Variants in AFAP1 observed in about 807,000 individuals in gnomAD.
The protein encoded by AFAP1 is actin filament associated protein 1.
Under a neutral mutation model 93.9 loss-of-function variants are expected in AFAP1, and 75 were observed. The ratio of observed to expected loss-of-function variants is 0.80; its 90% confidence interval spans 0.66 to 0.97. AFAP1 has a LOEUF of 0.97. Ranked by LOEUF, AFAP1 falls within the 50% of genes least tolerant of loss-of-function variation. The pLI, the probability that AFAP1 is intolerant of heterozygous loss-of-function variation, is 0.00. For synonymous variants in AFAP1, 517 were observed against 430.7 expected, an observed-to-expected ratio of 1.20 and a Z score of -2.48; for missense variants, 1,201 against 1,050.8, an observed-to-expected ratio of 1.14 and a Z score of -1.98.
chr4:7,856,235 C>G (rs1463201010), intron 3 of AFAP1, among the ~76,000 whole-genome samples: 1 of 150,118 alleles, frequency 6.7e-6, no homozygotes, highest in Middle Eastern at 3.4e-3. Flanking sequence ...CTTATTAAAA[C>G]CAATCATGTC....
chr4:7,927,202 A>G (rs1485927335), intron 1 of AFAP1, among the ~76,000 whole-genome samples: 1 of 152,206 alleles, frequency 6.6e-6, no homozygotes, highest in Non-Finnish European at 1.5e-5. Context: ...TCACATACAC[A>G]GCTCTAGCAG....
At chr4:7,835,048 G>A (rs1288343328) in intron 6 of AFAP1, among the ~76,000 whole-genome samples, 1 of 105,756 alleles carries the variant, frequency 9.5e-6, no homozygotes, top group Non-Finnish European at 1.9e-5. Flanking sequence ...GCTGCCTTAA[G>A]GTTACCTGGG....
At chr4:7,882,212 AATTC>A (rs71175437) in intron 1 of AFAP1, among the ~76,000 whole-genome samples, 17,523 of 152,092 alleles carry the variant, frequency 0.12, 1,160 homozygotes, top group Non-Finnish European at 0.16. Flanking sequence ...TTAAATAGAT[AATTC>A]ATTTCATAAG....
chr4:7,822,498 C>G (rs1235546049), intron 6 of AFAP1, among the ~76,000 whole-genome samples: 1 of 152,086 alleles, frequency 6.6e-6, no homozygotes, highest in African/African-American at 2.4e-5. Context: ...AAGGCTGTAC[C>G]CCATAAAACA....
chr4:7,772,429 A>C (rs1268291068), intron 16 of AFAP1: 2 of 168,640 alleles, frequency 1.2e-5, no homozygotes, highest in African/African-American at 4.8e-5. Flanking sequence ...TGCTTCATTC[A>C]TTTCAGTTTC....
At position 7,781,408 on chromosome 4, in the gene AFAP1, C is replaced by G; in HGVS notation, c.1750G>C (p.Val584Leu). The G allele has an allele frequency of 6.4e-7, 1 of 1,551,876 alleles. No individual in the cohort carries two copies. The highest frequency in any genetic ancestry group is 8.7e-7 in the Non-Finnish European group (1 of 1,147,058). ...SAQSVTNTSS[V>L]GRASLGLNSQ... ...TTGAGCCCGAGAGACGCCCTCCCCA[C>G]AGAAGAGGTATTAGTGACAGACTGA... The change falls in exon 13 of 18, where the codon GTG (valine) becomes CTG (leucine). Residue 584 changes from valine to leucine, a missense_variant. Physicochemically the swap from Val to Leu is conservative, Grantham distance 32 (BLOSUM62 1). Coordinates refer to ENST00000420658, the MANE Select transcript of AFAP1 (RefSeq NM_001134647.2).
chr4:7,930,071 G>A (rs544416812), intron 1 of AFAP1, among the ~76,000 whole-genome samples: 10 of 152,254 alleles, frequency 6.6e-5, no homozygotes, highest in South Asian at 2.1e-4. Flanking sequence ...TTTTGTCACC[G>A]GCAAAATGAG....
chr4:7,781,271 T>C, intron 13 of AFAP1, 105 bp downstream of exon 13: 1 of 1,381,950 alleles, frequency 7.2e-7, no homozygotes, highest in South Asian at 1.5e-5. Flanking sequence ...AAAAACACAT[T>C]ATGCTTTGCC....
intron 1 of AFAP1, among the ~76,000 whole-genome samples, chr4:7,888,461 T>C (rs2149203976): frequency 6.6e-6 from 1 of 152,256 alleles, no homozygotes. Flanking sequence ...AATATGACCA[T>C]AAGGAAATAT....
At chr4:7,803,077 C>A in intron 9 of AFAP1, among the ~76,000 whole-genome samples, 1 of 152,242 alleles carries the variant, frequency 6.6e-6, no homozygotes, top group African/African-American at 2.4e-5. Context: ...TGCTGAAAGC[C>A]GACACTTTTA....
chr4:7,923,577 C>G (rs964788423), intron 1 of AFAP1, among the ~76,000 whole-genome samples: 3 of 152,212 alleles, frequency 2.0e-5, no homozygotes, highest in African/African-American at 7.2e-5. Context: ...CTCCCTAGTT[C>G]AAGCAATTCT....
chr4:7,877,534 T>TC (rs1227835834), intron 1 of AFAP1, among the ~76,000 whole-genome samples: 1 of 152,176 alleles, frequency 6.6e-6, no homozygotes, highest in Non-Finnish European at 1.5e-5. Flanking sequence ...ACTGTTATTA[T>TC]CCCCGTGTTG....
At chr4:7,834,599 A>G (rs1300493398) in intron 6 of AFAP1, among the ~76,000 whole-genome samples, 5 of 152,272 alleles carry the variant, frequency 3.3e-5, no homozygotes, top group Admixed American at 6.5e-5. Flanking sequence ...GATAGTAAGC[A>G]AGGCCTGGGC....
chr4:7,862,465 C>T (rs772310461), intron 3 of AFAP1, among the ~76,000 whole-genome samples: 2 of 151,162 alleles, frequency 1.3e-5, no homozygotes, highest in Non-Finnish European at 2.9e-5. Context: ...ACAGAGTTTC[C>T]ATTTGGGATA....
Position 7,893,057 on chromosome 4 carries a change from C to T in AFAP1, c.-2-20977G>A, listed in dbSNP as rs1387440406. Among the ~76,000 whole-genome samples the T allele has an allele frequency of 2.6e-5, 4 of 152,214 alleles. 1 individual carries two copies. The Middle Eastern group carries it at 0.014, about 518-fold the overall frequency. ...TGAGAAAATGAAGAAGACACAAAGACTGAAATCAAGGGATTTTTACCAGCC... is the reference window on the plus strand; with the variant it reads ...TGAGAAAATGAAGAAGACACAAAGATTGAAATCAAGGGATTTTTACCAGCC... On this transcript the variant is annotated intron_variant, in intron 1 of 17. Transcript: ENST00000420658.
chr4:7,899,451 G>A (rs1414958327), intron 1 of AFAP1, among the ~76,000 whole-genome samples: 2 of 152,148 alleles, frequency 1.3e-5, no homozygotes, highest in Admixed American at 1.3e-4. Context: ...TTATATTTTT[G>A]TTGAAAACAA....
intron 1 of AFAP1, among the ~76,000 whole-genome samples, chr4:7,890,400 A>G (rs1248240549): frequency 1.3e-5 from 2 of 152,252 alleles, no homozygotes; most frequent in Non-Finnish European, 2.9e-5. Flanking sequence ...AGACCTAAAC[A>G]TAAAAGATAA....
chr4:7,898,598 T>C (rs897040852), intron 1 of AFAP1, among the ~76,000 whole-genome samples: 9 of 151,440 alleles, frequency 5.9e-5, no homozygotes, highest in Non-Finnish European at 1.3e-4. Context: ...GTACTATTTT[T>C]GCAACTTCTC....
chr4:7,783,603 A>C (rs768405812), intron 12 of AFAP1, among the ~76,000 whole-genome samples: 1 of 152,222 alleles, frequency 6.6e-6, no homozygotes, highest in Non-Finnish European at 1.5e-5. Flanking sequence ...CACACACACA[A>C]ACAATTCCTA....
Sources: allele counts gnomAD v4.1 joint callset (sites outside exome capture counted in the v4.1 genomes callset), GRCh38; gene constraint gnomAD v4.1.1; transcripts MANE v1.5; gene names NCBI Gene and HGNC (gene_info 2026-07-23, HGNC 2026-07-21).